The following OGN variants were observed in gnomAD, a reference collection of about 807,000 sequenced individuals.
OGN encodes osteoglycin, also known as mimecan.
A neutral mutation model predicts 30.8 loss-of-function variants in OGN; 19 were observed. The observed-to-expected ratio is 0.62, with a 90% CI of 0.43 to 0.90. The LOEUF is 0.90. Ranked by LOEUF, OGN falls within the 40% of genes least tolerant of loss-of-function variation. The probability of loss-of-function intolerance (pLI) is 0.00; values close to 1 mark genes in which losing one functional copy is unlikely to be tolerated. For missense variants in OGN, 283 were observed against 349.7 expected, an observed-to-expected ratio of 0.81 and a Z score of 1.52; for synonymous variants, 126 against 128.3, an observed-to-expected ratio of 0.98 and a Z score of 0.12.
At position 92,385,675 on chromosome 9, in the gene OGN, T is replaced by C; in HGVS notation, c.842A>G (p.Lys281Arg). 1 of 1,614,214 alleles carries C rather than the reference T, an allele frequency of 6.2e-7. No individual in the cohort carries two copies. The highest frequency in any genetic ancestry group is 8.5e-7 in the Non-Finnish European group (1 of 1,180,020). The change falls in exon 7 of 7, where the codon AAG becomes AGG. Residue 281 changes from lysine (K) to arginine (R), a missense_variant. Lys to Arg is a conservative substitution (Grantham distance 26). Coordinates refer to ENST00000375561, the MANE Select transcript of OGN (RefSeq NM_014057.5). ...RLEGNPIVLG[K>R]HPNSFICLKR... is the part of the protein sequence containing the mutation. ...TAAGCAAATAAAACTGTTTGGATGC[T>C]TTCCCAGGACGATTGGATTGCCCTC...
chr9:92,397,240 T>C (rs138014423), intron 3 of OGN, among the ~76,000 whole-genome samples: 2 of 152,236 alleles, frequency 1.3e-5, no homozygotes, highest in East Asian at 3.9e-4. Flanking sequence ...TTTCCTAACA[T>C]AGCAAGATGT....
intron 3 of OGN, among the ~76,000 whole-genome samples, chr9:92,400,178 T>A (rs1030759567): frequency 4.6e-5 from 7 of 152,260 alleles, no homozygotes; most frequent in South Asian, 4.2e-4. Flanking sequence ...TGAGACAGAG[T>A]CTTGCTCTGC....
intron 2 of OGN, 78 bp downstream of exon 2, chr9:92,403,156 A>T: frequency 1.1e-6 from 1 of 898,060 alleles, no homozygotes. Flanking sequence ...ACCTTATCAG[A>T]CACATTCAGG....
rs746470212 is a variant in OGN, at chr9:92,386,283, AG to A, written c.643del (p.Leu215SerfsTer24). 5 of 1,612,586 alleles carry A rather than the reference AG, an allele frequency of 3.1e-6. No individual in the cohort carries two copies. The South Asian group carries it at 5.5e-5, about 18-fold the overall frequency. ...ATTATGGTCCAAGTAGAGGAAGGTG[AG>A]GTTATTCAGTTTCTGTAAGGAAAAT... is the stretch of plus-strand genomic sequence containing the variant. ...KANAFKKLNN[L>X]TFLYLDHNAL... is the part of the protein sequence containing the mutation. On this transcript the variant is annotated frameshift_variant, in exon 6 of 7. Transcript: ENST00000375561. LOFTEE classifies it high-confidence loss of function.
intron 3 of OGN, among the ~76,000 whole-genome samples, chr9:92,395,348 T>A (rs780938318): frequency 1.3e-5 from 2 of 152,230 alleles, no homozygotes; most frequent in Non-Finnish European, 2.9e-5. Flanking sequence ...TGATTTTCAA[T>A]CTTTATCAGT....
upstream of OGN, chr9:92,404,654 T>G: frequency 7.9e-7 from 1 of 1,264,628 alleles, no homozygotes; most frequent in Non-Finnish European, 1.0e-6. Context: ...AGTTTCCATG[T>G]GGTAGAGATC....
At chr9:92,385,979 T>C (rs1842404325) in intron 6 of OGN, among the ~76,000 whole-genome samples, 189 bp from the exon 7 acceptor site, 1 of 152,218 alleles carries the variant, frequency 6.6e-6, no homozygotes, top group African/African-American at 2.4e-5. Flanking sequence ...ACTTCACACG[T>C]ACTGTGCTGG....
rs1191770436 is a variant in OGN, at chr9:92,384,623, G to C, written c.*997C>G. The C allele has an allele frequency of 2.0e-5, 3 of 152,076 alleles. No homozygotes were observed. The highest frequency in any genetic ancestry group is 2.0e-4 in the Admixed American group (3 of 15,266). 9.4% of individuals were successfully genotyped at this position (152,076 alleles called of 1,614,324 possible). A position where few individuals can be genotyped will look rare whatever the true frequency, so the allele number is the denominator to read the frequency against. On this transcript the variant is annotated 3_prime_UTR_variant, in exon 7 of 7. Transcript: ENST00000375561. ...CATGTCAGTTTATCATGAGTAATCAGAAAGTGTTACTCAGAAGCTTTATTG... is the reference window on the plus strand; with the variant it reads ...CATGTCAGTTTATCATGAGTAATCACAAAGTGTTACTCAGAAGCTTTATTG...
intron 2 of OGN, among the ~76,000 whole-genome samples, 187 bp downstream of exon 2, chr9:92,403,047 T>C (rs1201474823): frequency 6.6e-6 from 1 of 152,188 alleles, no homozygotes. Context: ...ATAGATACCA[T>C]TTATTAATTT....
intron 3 of OGN, among the ~76,000 whole-genome samples, chr9:92,395,123 A>G (rs1164498302): frequency 6.6e-6 from 1 of 152,046 alleles, no homozygotes; most frequent in Non-Finnish European, 1.5e-5. Flanking sequence ...ACCCCCATGA[A>G]ACGTTCACTA....
chr9:92,403,617 G>C, intron 1 of OGN, 135 bp from the exon 2 acceptor site: 1 of 1,208,696 alleles, frequency 8.3e-7, no homozygotes, highest in Non-Finnish European at 1.0e-6. Context: ...CAGTTTTTAT[G>C]TATCAGTGAA....
At chr9:92,404,330 G>A (rs777439119) in intron 1 of OGN, among the ~76,000 whole-genome samples, 166 bp downstream of exon 1, 1 of 152,142 alleles carries the variant, frequency 6.6e-6, no homozygotes, top group Non-Finnish European at 1.5e-5. Context: ...TCTTGCCTGC[G>A]TGGATGTTAA....
chr9:92,391,493 C>T (rs534637784), intron 4 of OGN, among the ~76,000 whole-genome samples: 27 of 151,710 alleles, frequency 1.8e-4, no homozygotes, highest in Non-Finnish European at 2.8e-4. Flanking sequence ...CAGCTACTTG[C>T]GAGACTGAGG....
intron 4 of OGN, among the ~76,000 whole-genome samples, chr9:92,390,433 C>G (rs1842623887): frequency 6.6e-6 from 1 of 151,868 alleles, no homozygotes; most frequent in Non-Finnish European, 1.5e-5. Context: ...TATTTTTTTG[C>G]TGGCATGTTG....
intron 5 of OGN, 165 bp downstream of exon 5, chr9:92,389,689 T>C (rs1431117470): frequency 5.5e-6 from 3 of 549,910 alleles, no homozygotes; most frequent in Admixed American, 6.9e-5. Flanking sequence ...TAAGCTAGGC[T>C]GAATGAGCCT....
At chr9:92,402,840 C>T (rs1188860111) in intron 2 of OGN, among the ~76,000 whole-genome samples, 1 of 152,114 alleles carries the variant, frequency 6.6e-6, no homozygotes, top group Non-Finnish European at 1.5e-5. Flanking sequence ...ATAATAATAA[C>T]CTTAAGCTGA....
rs1258809845 is a variant in OGN, at chr9:92,384,097, G to T, written c.*1523C>A. On this transcript the variant is annotated 3_prime_UTR_variant, in exon 7 of 7. Coordinates refer to ENST00000375561, the MANE Select transcript of OGN (RefSeq NM_014057.5). ...TGCGCTCTCAGTGAGGTTTAAGTCA[G>T]GGAAATGAGGCATGCACACAAAATA... 1 of 152,160 alleles carries T rather than the reference G, an allele frequency of 6.6e-6. No homozygotes were observed. Among genetic ancestry groups the T allele is most frequent in the Non-Finnish European group, 1.5e-5 (1 of 68,010 alleles). 9.4% of individuals were successfully genotyped at this position (152,160 alleles called of 1,614,324 possible).
chr9:92,401,262 C>A, intron 2 of OGN, 77 bp from the exon 3 acceptor site: 1 of 687,688 alleles, frequency 1.5e-6, no homozygotes, highest in South Asian at 1.8e-5. Context: ...ATCACAGACA[C>A]CTTCTCGTAG....
intron 2 of OGN, among the ~76,000 whole-genome samples, chr9:92,401,835 G>A (rs1049993506): frequency 2.0e-5 from 3 of 152,090 alleles, no homozygotes; most frequent in African/African-American, 7.2e-5. Context: ...TACGTTTTCT[G>A]CCATTAGATT....
Sources: allele counts gnomAD v4.1 joint callset (sites outside exome capture counted in the v4.1 genomes callset), GRCh38; gene constraint gnomAD v4.1.1; transcripts MANE v1.5; gene names NCBI Gene and HGNC (gene_info 2026-07-23, HGNC 2026-07-21).